RIF1: variants seen among roughly 807,000 people sequenced by gnomAD.
The protein encoded by RIF1 is telomere-associated protein RIF1.
In RIF1, 45 loss-of-function variants were observed where a neutral mutation model predicts 247.1. That is an observed-to-expected ratio of 0.18 (90% confidence interval 0.14 to 0.23). The LOEUF (loss-of-function observed/expected upper bound fraction) is 0.23. Ranked by LOEUF, RIF1 falls within the 10% of genes least tolerant of loss-of-function variation. The pLI is 1.00. For synonymous variants in RIF1, 1,087 were observed against 978.8 expected (o/e 1.11, Z -2.06); for missense variants, 2,967 against 2,862.5 (o/e 1.04, Z -0.83).
intron 9 of RIF1, chr2:151,493,376 G>C (rs748561855): frequency 6.2e-7 from 1 of 1,611,980 alleles, no homozygotes. Flanking sequence ...TCTTGGTTGC[G>C]CTTAGCTCTC....
In RIF1 at chr2:151,433,123, G is replaced by A. The variant is rs2152314898; in HGVS notation, c.972G>A (p.Leu324=). The part of the protein sequence containing the change: ...AKRLKLLMQP[L]SSIHVRTETL... ...GACTCAAGTTGTTAATGCAGCCTTT[G>A]AGTTCCATCCATGTGAGAACAGAAA... The change falls in exon 10 of 36, where the codon TTG becomes TTA. Residue 324 remains leucine (L), a synonymous_variant. Transcript: ENST00000444746. 1 of 1,613,372 alleles carries A rather than the reference G, an allele frequency of 6.2e-7. No homozygotes were observed. The highest frequency in any genetic ancestry group is 8.5e-7 in the Non-Finnish European group (1 of 1,179,432).
At chr2:151,420,463 G>GT in intron 7 of RIF1, 84 bp downstream of exon 7, 1 of 1,337,348 alleles carries the variant, frequency 7.5e-7, no homozygotes. Context: ...TGGTGGCCAG[G>GT]TACGGTGGCT....
At position 151,463,940 on chromosome 2, in the gene RIF1, C is replaced by G. The variant is rs762057556; in HGVS notation, c.4420C>G (p.Leu1474Val). 1.2e-6 allele frequency: 2 copies of G among 1,612,168 alleles called. No homozygotes were observed. Among genetic ancestry groups the G allele is most frequent in the South Asian group, 2.2e-5 (2 of 90,574 alleles). The change falls in exon 30 of 36, where the codon CTA becomes GTA. Residue 1474 changes from leucine to valine, a missense_variant. This residue lies in a region of RIF1 where 2,028 missense variants were observed against 1,825.6 expected (regional missense o/e 1.11). Transcript: ENST00000444746. ...PKQKLIAEQTLQENLIEKGSN... is the reference protein window; with the variant it reads ...PKQKLIAEQTVQENLIEKGSN... The stretch of plus-strand genomic sequence containing the variant: ...ACAAAAACTGATTGCTGAACAAACT[C>G]TACAGGAGAATTTAATTGAGAAAGG...
intron 10 of RIF1, chr2:151,496,209 A>ATTAT (rs1217115676): frequency 2.1e-6 from 3 of 1,417,750 alleles, no homozygotes; most frequent in African/African-American, 1.4e-5. Flanking sequence ...ATTAATATGT[A>ATTAT]TTATTTTAAA....
chr2:151,512,929 T>C (rs1389605116), downstream of RIF1: 5 of 812,764 alleles, frequency 6.2e-6, no homozygotes, highest in African/African-American at 8.6e-5. Flanking sequence ...CATATTTCTT[T>C]TCCAAGAGGG....
rs2049092692 is a variant in RIF1 at position 151,479,812 on chromosome 2, A to T, written c.*4741A>T. 1 of 152,196 alleles carries T rather than the reference A, an allele frequency of 6.6e-6. No individual in the cohort carries two copies. Among genetic ancestry groups the T allele is most frequent in the South Asian group, 2.1e-4 (1 of 4,832 alleles). The allele number at this position is 152,196 out of a possible 1,614,324, so 9.4% of individuals were successfully genotyped here. A position where few individuals can be genotyped will look rare whatever the true frequency, so the allele number is the denominator to read the frequency against. ...GAAAGCACTAAGGAAAATGTAGCCGAAAGTTAAGTAATAGGTTTTAAAAAT... is the reference window on the plus strand; with the variant it reads ...GAAAGCACTAAGGAAAATGTAGCCGTAAGTTAAGTAATAGGTTTTAAAAAT... On this transcript the variant is annotated 3_prime_UTR_variant, in exon 36 of 36. Coordinates refer to ENST00000444746, the MANE Select transcript of RIF1 (RefSeq NM_018151.5).
At chr2:151,455,240 T>C in intron 22 of RIF1, 81 bp downstream of exon 22, 1 of 1,058,396 alleles carries the variant, frequency 9.4e-7, no homozygotes, top group Non-Finnish European at 1.3e-6. Context: ...TTTAATCAGC[T>C]GTGTTGTAGA....
In RIF1 at chr2:151,501,466, G is replaced by A; in HGVS notation, c.*710-1568G>A. ...CAGGTAGGGGAGTCCCCTTGCTCAA[G>A]TTCTCTTTGTACAATATCTGTGTGC... is the stretch of plus-strand genomic sequence containing the variant. On this transcript the variant is annotated intron_variant and NMD_transcript_variant, in intron 11 of 13. Transcript: ENST00000454583. 6.6e-7 allele frequency: 1 copy of A among 1,525,874 alleles called. No homozygotes were observed. The highest frequency in any genetic ancestry group is 8.8e-7 in the Non-Finnish European group (1 of 1,133,196). 94.5% of individuals were successfully genotyped at this position (1,525,874 alleles called of 1,614,324 possible).
At chr2:151,524,190 C>G in the RIF1 span, 1 of 794,436 alleles carries the variant, frequency 1.3e-6, no homozygotes, top group Non-Finnish European at 2.0e-6. Flanking sequence ...CTCTTGGAAG[C>G]TTTGCAGTAC....
In RIF1 at chr2:151,465,774, C is replaced by T; in HGVS notation, c.6254C>T (p.Thr2085Ile). ...TEEGIIDANK[T>I]ETNTEYSKSE... ...GAAGGAATCATTGACGCTAATAAAA[C>T]TGAAACAAATACTGAGTATAGTAAA... The change falls in exon 30 of 36, where the codon ACT (threonine) becomes ATT (isoleucine). Residue 2085 changes from threonine (T) to isoleucine (I), a missense_variant. Thr to Ile is a moderately conservative substitution (Grantham distance 89, BLOSUM62 -1). Around this residue, in one of 7 missense-constraint regions of RIF1, gnomAD observed 2,028 missense variants for 1,825.6 expected, o/e 1.11. Transcript: ENST00000444746. 6.2e-7 allele frequency: 1 copy of T among 1,613,346 alleles called. No individual in the cohort carries two copies. Among genetic ancestry groups the T allele is most frequent in the Non-Finnish European group, 8.5e-7 (1 of 1,179,378 alleles).
At chr2:151,516,385 G>T in the RIF1 span, 6 of 983,018 alleles carry the variant, frequency 6.1e-6, no homozygotes, top group African/African-American at 1.6e-5. Flanking sequence ...CAGGAAACTG[G>T]CCATGTCATG....
At chr2:151,500,550 A>G (rs2063635827) in intron 11 of RIF1, among the ~76,000 whole-genome samples, 1 of 151,042 alleles carries the variant, frequency 6.6e-6, no homozygotes, top group Non-Finnish European at 1.5e-5. Flanking sequence ...TATTCATGAA[A>G]TGGCTTGTTT....
At chr2:151,526,105 C>T in the RIF1 span, 1 of 1,611,900 alleles carries the variant, frequency 6.2e-7, no homozygotes, top group South Asian at 1.1e-5. Context: ...AAGGCATCTG[C>T]CTGGGGCGTT....
At chr2:151,455,940 T>G (rs1286565390) in intron 22 of RIF1, among the ~76,000 whole-genome samples, 1 of 152,226 alleles carries the variant, frequency 6.6e-6, no homozygotes, top group Non-Finnish European at 1.5e-5. Flanking sequence ...CTCATAACAA[T>G]TGAACATTAT....
chr2:151,502,903 G>C (rs769274568), intron 11 of RIF1: 1 of 1,439,920 alleles, frequency 6.9e-7, no homozygotes, highest in Admixed American at 1.8e-5. Context: ...ATACAAGAAA[G>C]TACCCAGAGG....
At chr2:151,502,731 A>T in intron 11 of RIF1, 1 of 876,760 alleles carries the variant, frequency 1.1e-6, no homozygotes, top group Non-Finnish European at 1.8e-6. Flanking sequence ...TTACATTTGT[A>T]AGGTGTTATT....
chr2:151,454,198 C>T (rs1035831089), intron 21 of RIF1, among the ~76,000 whole-genome samples: 2 of 152,154 alleles, frequency 1.3e-5, no homozygotes, highest in Admixed American at 6.5e-5. Context: ...TTTGAGATCT[C>T]ATTCCTTAAA....
chr2:151,534,075 G>A, the RIF1 span: 15 of 653,710 alleles, frequency 2.3e-5, no homozygotes, highest in African/African-American at 3.6e-5. Context: ...CTTTTTGGGT[G>A]GCTAGACAGA....
chr2:151,486,489 C>G (rs2050509512), downstream of RIF1: 1 of 153,304 alleles, frequency 6.5e-6, no homozygotes, highest in African/African-American at 2.4e-5. Flanking sequence ...CCAGCAAATT[C>G]CACTCCTAGG....
Sources: allele counts gnomAD v4.1 joint callset (sites outside exome capture counted in the v4.1 genomes callset), GRCh38; gene constraint gnomAD v4.1.1; regional missense constraint gnomAD v4.1.1; transcripts MANE v1.5; gene names NCBI Gene and HGNC (gene_info 2026-07-23, HGNC 2026-07-21).